The following SPATS2L variants were observed in gnomAD, a reference collection of about 807,000 sequenced individuals.
SPATS2L encodes SPATS2-like protein.
SPATS2L carries 30 observed loss-of-function variants against 59.6 expected under a neutral mutation model. That is an observed-to-expected ratio of 0.50 (90% CI 0.38 to 0.68). The LOEUF (loss-of-function observed/expected upper bound fraction) is 0.68. Ranked by LOEUF, SPATS2L falls within the 30% of genes least tolerant of loss-of-function variation. The probability of loss-of-function intolerance (pLI) is 0.00; values close to 1 mark genes in which losing one functional copy is unlikely to be tolerated. For synonymous variants in SPATS2L, 252 were observed against 263.5 expected (o/e 0.96, Z 0.42); for missense variants, 615 against 700.0 (o/e 0.88, Z 1.37).
chr2:200,423,603 T>TA (rs1275355881), intron 6 of SPATS2L, among the ~76,000 whole-genome samples: 8 of 151,124 alleles, frequency 5.3e-5, no homozygotes, highest in Admixed American at 1.3e-4. Context: ...ACCTAACTCC[T>TA]AAAAAAAAAT....
upstream of SPATS2L, chr2:200,306,306 A>C (rs1240379038): frequency 5.0e-6 from 5 of 1,002,182 alleles, no homozygotes; most frequent in Non-Finnish European, 6.0e-6. Context: ...GGAGAAGATG[A>C]TTCTCTTGCA....
intron 8 of SPATS2L, among the ~76,000 whole-genome samples, chr2:200,441,786 A>G (rs1409434746): frequency 6.6e-6 from 1 of 152,186 alleles, no homozygotes; most frequent in Non-Finnish European, 1.5e-5. Flanking sequence ...ACCATGCCCA[A>G]GCTCATTAAC....
chr2:200,454,061 C>T (rs577958310), intron 8 of SPATS2L, among the ~76,000 whole-genome samples: 7 of 152,262 alleles, frequency 4.6e-5, no homozygotes, highest in African/African-American at 1.7e-4. Context: ...GAAGTACTTT[C>T]CCCACAAGAA....
At position 200,403,279 on chromosome 2, in the gene SPATS2L, T is replaced by A. The variant is rs1341025906; in HGVS notation, c.40-9032T>A. ...CTTATAGCAACATATTTTAACAGGATATGCTCAGGTGAGCTTGATCAGATA... is the reference window on the plus strand; with the variant it reads ...CTTATAGCAACATATTTTAACAGGAAATGCTCAGGTGAGCTTGATCAGATA... On this transcript the variant is annotated intron_variant, in intron 3 of 12. Transcript: ENST00000409140. Among the ~76,000 whole-genome samples, 3 of 152,168 alleles carry A rather than the reference T, an allele frequency of 2.0e-5. 1 individual carries two copies. In the East Asian group the frequency reaches 5.8e-4, roughly 29 times the overall value.
intron 2 of SPATS2L, among the ~76,000 whole-genome samples, chr2:200,387,183 T>C (rs1174750621): frequency 6.6e-6 from 1 of 152,220 alleles, no homozygotes; most frequent in African/African-American, 2.4e-5. Context: ...ATTTGCCAGC[T>C]ATTAGGTTGG....
At chr2:200,407,200 C>G (rs917568221) in intron 3 of SPATS2L, among the ~76,000 whole-genome samples, 1 of 151,762 alleles carries the variant, frequency 6.6e-6, no homozygotes, top group East Asian at 1.9e-4. Flanking sequence ...TACATAGGCT[C>G]TAGAAGATAA....
chr2:200,336,772 A>G (rs1338541690), intron 2 of SPATS2L, among the ~76,000 whole-genome samples: 2 of 152,244 alleles, frequency 1.3e-5, no homozygotes, highest in African/African-American at 2.4e-5. Flanking sequence ...AAACAATTCA[A>G]ACGATTCTTT....
rs374573910 is a variant in SPATS2L, at chr2:200,381,804, G to A, written c.-22-7419G>A. Among the ~76,000 whole-genome samples, 3 of 152,210 alleles carry A rather than the reference G, an allele frequency of 2.0e-5. No individual in the cohort carries two copies. In the East Asian group the frequency reaches 5.8e-4, roughly 29 times the overall value. On this transcript the variant is annotated intron_variant, in intron 2 of 12. Transcript: ENST00000409140. ...CATGAGAAAATGTCTTAGGATCTAC[G>A]TGATCATAGTGATGCAGGATTTTTG... is the stretch of plus-strand genomic sequence containing the variant.
intron 3 of SPATS2L, among the ~76,000 whole-genome samples, chr2:200,404,980 C>T (rs1219752444): frequency 6.6e-6 from 1 of 152,096 alleles, no homozygotes; most frequent in Admixed American, 6.5e-5. Flanking sequence ...TGAGATAATC[C>T]GGGATGATCT....
At chr2:200,465,958 G>A (rs1208191424) in intron 9 of SPATS2L, among the ~76,000 whole-genome samples, 1 of 152,182 alleles carries the variant, frequency 6.6e-6, no homozygotes, top group Non-Finnish European at 1.5e-5. Flanking sequence ...TGTGAACCCG[G>A]GAGGCGGAGC....
At chr2:200,422,624 A>T (rs1450411878) in intron 6 of SPATS2L, among the ~76,000 whole-genome samples, 1 of 151,908 alleles carries the variant, frequency 6.6e-6, no homozygotes, top group African/African-American at 2.4e-5. Flanking sequence ...AATTCTCCTT[A>T]TTGGCCCTTA....
intron 2 of SPATS2L, among the ~76,000 whole-genome samples, chr2:200,363,543 C>A (rs988495817): frequency 6.6e-6 from 1 of 152,154 alleles, no homozygotes; most frequent in Non-Finnish European, 1.5e-5. Context: ...TAATAAAAAC[C>A]ATGGCAGAAT....
chr2:200,368,741 T>C lies in SPATS2L; in HGVS notation c.-22-20482T>C, dbSNP rs190313678. ...AAATATTTCAGAGAAGAAGAAGATATAGTTCTATAGCCGGAGACTCTGAAA... is the reference window on the plus strand; with the variant it reads ...AAATATTTCAGAGAAGAAGAAGATACAGTTCTATAGCCGGAGACTCTGAAA... On this transcript the variant is annotated intron_variant, in intron 2 of 12. Coordinates refer to ENST00000409140, the MANE Select transcript of SPATS2L (RefSeq NM_001100423.2). Among the ~76,000 whole-genome samples, 1,040 of 152,206 alleles carry C rather than the reference T, an allele frequency of 6.8e-3. 14 individuals are homozygous for C. Among genetic ancestry groups the C allele is most frequent in the African/African-American group, 0.022 (928 of 41,524 alleles).
chr2:200,471,290 G>T (rs948736975), intron 11 of SPATS2L, among the ~76,000 whole-genome samples: 16 of 152,176 alleles, frequency 1.1e-4, no homozygotes, highest in African/African-American at 3.9e-4. Context: ...TCTTCCTTAT[G>T]AAAGAATCTA....
intron 8 of SPATS2L, among the ~76,000 whole-genome samples, chr2:200,448,938 C>T (rs563399281): frequency 6.6e-6 from 1 of 152,160 alleles, no homozygotes; most frequent in African/African-American, 2.4e-5. Flanking sequence ...ACTCCTTTTC[C>T]TCACTCTGCA....
At chr2:200,426,389 A>C (rs954632963) in intron 6 of SPATS2L, among the ~76,000 whole-genome samples, 1 of 152,158 alleles carries the variant, frequency 6.6e-6, no homozygotes, top group Non-Finnish European at 1.5e-5. Flanking sequence ...CTATTAACAT[A>C]TATATAACTG....
intron 6 of SPATS2L, among the ~76,000 whole-genome samples, chr2:200,429,313 G>T (rs1038372753): frequency 6.6e-6 from 1 of 152,194 alleles, no homozygotes. Context: ...AGGACCATAA[G>T]GTGTCCACAT....
At chr2:200,372,882 G>A (rs1025493854) in intron 2 of SPATS2L, among the ~76,000 whole-genome samples, 2 of 151,902 alleles carry the variant, frequency 1.3e-5, no homozygotes, top group Non-Finnish European at 2.9e-5. Flanking sequence ...CCAGTGTGGT[G>A]CCTAAAGAGG....
chr2:200,396,033 A>AAATATATAT (rs1553520464), intron 3 of SPATS2L, among the ~76,000 whole-genome samples: 9 of 21,122 alleles, frequency 4.3e-4, no homozygotes, highest in Admixed American at 8.1e-4. Context: ...AAAAAAAAAA[A>AAATATATAT]ATATATATAT....
Sources: allele counts gnomAD v4.1 joint callset (sites outside exome capture counted in the v4.1 genomes callset), GRCh38; gene constraint gnomAD v4.1.1; transcripts MANE v1.5; gene names NCBI Gene and HGNC (gene_info 2026-07-23, HGNC 2026-07-21).